SIK3: variants seen among roughly 807,000 people sequenced by gnomAD.
The protein encoded by SIK3 is serine/threonine-protein kinase SIK3.
SIK3 carries 28 observed loss-of-function variants against 144.2 expected under a neutral mutation model. The observed-to-expected ratio is 0.19, with a 90% CI of 0.14 to 0.27. SIK3 has a LOEUF of 0.27. Among genes scored for constraint, SIK3 ranks in the 10% least tolerant of loss-of-function variants. The probability of loss-of-function intolerance (pLI) is 1.00; values close to 1 mark genes in which losing one functional copy is unlikely to be tolerated. For missense variants in SIK3, 1,319 were observed against 1,776.0 expected, an observed-to-expected ratio of 0.74 and a Z score of 4.62; for synonymous variants, 686 against 676.3, an observed-to-expected ratio of 1.01 and a Z score of -0.22.
At chr11:117,067,932 C>T (rs894477389) in intron 1 of SIK3, among the ~76,000 whole-genome samples, 4 of 152,044 alleles carry the variant, frequency 2.6e-5, no homozygotes, top group Middle Eastern at 3.4e-3. Flanking sequence ...TGCAGTGAGC[C>T]GAGATCGCGC....
At chr11:117,017,486 T>A (rs904699656) in intron 1 of SIK3, among the ~76,000 whole-genome samples, 2 of 152,060 alleles carry the variant, frequency 1.3e-5, no homozygotes, top group African/African-American at 4.8e-5. Flanking sequence ...TTGAAAGTGC[T>A]AAGCACAGGC....
chr11:116,974,183 T>A (rs1379134542), intron 1 of SIK3, among the ~76,000 whole-genome samples: 1 of 152,220 alleles, frequency 6.6e-6, no homozygotes, highest in Non-Finnish European at 1.5e-5. Context: ...ACTGCAAACA[T>A]CATAATGGAA....
chr11:116,902,883 T>C (rs1016281619), intron 4 of SIK3, among the ~76,000 whole-genome samples: 1 of 152,194 alleles, frequency 6.6e-6, no homozygotes, highest in Middle Eastern at 3.2e-3. Flanking sequence ...GTACCAAACC[T>C]AACAGGATCT....
intron 1 of SIK3, among the ~76,000 whole-genome samples, chr11:116,983,140 T>G (rs141628528): frequency 0.028 from 4,253 of 149,764 alleles, 191 homozygotes; most frequent in African/African-American, 0.096. Context: ...GGCAGGAGAA[T>G]GGCATAAACC....
At chr11:116,998,515 T>C (rs78281319) in intron 1 of SIK3, among the ~76,000 whole-genome samples, 6,896 of 147,690 alleles carry the variant, frequency 0.047, 528 homozygotes, top group African/African-American at 0.16. Flanking sequence ...CTTGGAAAAA[T>C]ATCTGAAATT....
intron 6 of SIK3, among the ~76,000 whole-genome samples, chr11:116,884,463 C>T (rs1327675484): frequency 6.6e-6 from 1 of 151,496 alleles, no homozygotes; most frequent in East Asian, 1.9e-4. Flanking sequence ...TATCCTGCCT[C>T]ATAAACGATA....
chr11:117,023,310 AC>A (rs1467421500), intron 1 of SIK3, among the ~76,000 whole-genome samples: 1 of 151,988 alleles, frequency 6.6e-6, no homozygotes, highest in African/African-American at 2.4e-5. Flanking sequence ...CTAAATCTGG[AC>A]CTGCCAAAGA....
At chr11:116,915,881 T>C (rs1946609696) in intron 4 of SIK3, among the ~76,000 whole-genome samples, 1 of 152,224 alleles carries the variant, frequency 6.6e-6, no homozygotes, top group African/African-American at 2.4e-5. Flanking sequence ...TGAAAAACTG[T>C]ACCCTGGTCA....
intron 1 of SIK3, among the ~76,000 whole-genome samples, chr11:117,073,197 T>C (rs1005388488): frequency 1.3e-5 from 2 of 152,226 alleles, no homozygotes; most frequent in Admixed American, 6.5e-5. Context: ...GCACAGCAAG[T>C]GCATTACTTA....
At chr11:116,888,205 C>G (rs1047732586) in intron 6 of SIK3, among the ~76,000 whole-genome samples, 7 of 152,186 alleles carry the variant, frequency 4.6e-5, no homozygotes, top group Non-Finnish European at 8.8e-5. Flanking sequence ...TTTCTAGACC[C>G]TTCAGGAAGA....
intron 1 of SIK3, among the ~76,000 whole-genome samples, chr11:116,984,013 T>G (rs561904813): frequency 9.7e-5 from 13 of 134,516 alleles, no homozygotes; most frequent in South Asian, 7.1e-4. Context: ...ATCATGCCAC[T>G]GCACTCCAGC....
intron 4 of SIK3, among the ~76,000 whole-genome samples, chr11:116,915,200 C>T (rs1370186947): frequency 2.8e-5 from 4 of 140,676 alleles, no homozygotes; most frequent in Admixed American, 7.1e-5. Context: ...GGGGGGCAGG[C>T]GGTGGGATAG....
intron 3 of SIK3, among the ~76,000 whole-genome samples, chr11:116,944,324 T>C (rs1325684137): frequency 2.6e-5 from 4 of 152,058 alleles, no homozygotes; most frequent in Non-Finnish European, 5.9e-5. Flanking sequence ...AATAACATGA[T>C]TTAGGCTGGG....
At chr11:116,875,527 G>C in intron 9 of SIK3, 76 bp from the exon 10 acceptor site, 1 of 1,461,972 alleles carries the variant, frequency 6.8e-7, no homozygotes, top group Non-Finnish European at 9.4e-7. Flanking sequence ...AAGTAGTCTT[G>C]ATTGCTAAAG....
intron 4 of SIK3, among the ~76,000 whole-genome samples, chr11:116,911,185 T>C (rs143617215): frequency 1.8e-4 from 28 of 152,074 alleles, no homozygotes; most frequent in African/African-American, 6.3e-4. Flanking sequence ...TCAGGTAAAT[T>C]ATGGTACATC....
chr11:116,855,969 G>A (rs918204159), intron 21 of SIK3, among the ~76,000 whole-genome samples: 25 of 152,158 alleles, frequency 1.6e-4, no homozygotes, highest in Non-Finnish European at 1.9e-4. Flanking sequence ...AGGCCAAGGC[G>A]TGCGGATCAC....
chr11:116,931,977 G>A (rs1555101140), intron 3 of SIK3, among the ~76,000 whole-genome samples: 1 of 152,172 alleles, frequency 6.6e-6, no homozygotes, highest in Non-Finnish European at 1.5e-5. Context: ...TTGACTTGTT[G>A]CTGCTTCTTG....
At chr11:116,947,570 T>TGTATGTA (rs752553527) in intron 3 of SIK3, among the ~76,000 whole-genome samples, 164 of 14,086 alleles carry the variant, frequency 0.012, 1 homozygote, top group African/African-American at 0.025. Context: ...TATGTATGTA[T>TGTATGTA]TTTTTTTTTT....
chr11:117,040,674 T>C (rs904325511), intron 1 of SIK3, among the ~76,000 whole-genome samples: 2 of 152,106 alleles, frequency 1.3e-5, no homozygotes, highest in African/African-American at 4.8e-5. Flanking sequence ...AATCATGGAA[T>C]AGTAAATTGA....
Sources: gnomAD v4.1 joint callset for allele counts (sites outside exome capture counted in the v4.1 genomes callset) on GRCh38, gnomAD v4.1.1 for gene constraint, MANE v1.5 for transcripts, NCBI Gene and HGNC (gene_info 2026-07-23, HGNC 2026-07-21) for gene names.